The following SDK1 variants were observed in gnomAD, a reference collection of about 807,000 sequenced individuals.
SDK1 encodes protein sidekick-1.
A neutral mutation model predicts 245.5 loss-of-function variants in SDK1; 157 were observed. The observed-to-expected ratio is 0.64, with a 90% CI of 0.56 to 0.73. The LOEUF is 0.73. Among genes scored for constraint, SDK1 ranks in the 30% least tolerant of loss-of-function variants. The pLI is 0.00. For synonymous variants in SDK1, 1,647 were observed against 1,278.5 expected (o/e 1.29, Z -6.15); for missense variants, 3,583 against 3,002.3 (o/e 1.19, Z -4.52).
intron 44 of SDK1, among the ~76,000 whole-genome samples, chr7:4,253,662 G>A (rs543892981): frequency 6.6e-6 from 1 of 152,244 alleles, no homozygotes; most frequent in African/African-American, 2.4e-5. Flanking sequence ...GATTTATCAT[G>A]TTGTTTCCAT....
intron 4 of SDK1, among the ~76,000 whole-genome samples, chr7:3,746,815 A>C (rs1779636594): frequency 6.6e-6 from 1 of 152,148 alleles, no homozygotes; most frequent in Non-Finnish European, 1.5e-5. Context: ...CTCACCCATG[A>C]GGGGTGGAGT....
intron 4 of SDK1, among the ~76,000 whole-genome samples, chr7:3,734,887 G>T (rs575326362): frequency 1.4e-4 from 22 of 152,238 alleles, no homozygotes; most frequent in African/African-American, 5.1e-4. Flanking sequence ...AGTTCAGCAC[G>T]TAGCAAGCAG....
At chr7:3,641,288 G>A (rs1368583257) in intron 3 of SDK1, among the ~76,000 whole-genome samples, 2 of 152,106 alleles carry the variant, frequency 1.3e-5, no homozygotes, top group Non-Finnish European at 2.9e-5. Flanking sequence ...ATTTTCAAAT[G>A]TTACAAATTT....
chr7:3,760,099 G>A (rs1375056760), intron 4 of SDK1, among the ~76,000 whole-genome samples: 2 of 150,184 alleles, frequency 1.3e-5, no homozygotes, highest in South Asian at 4.3e-4. Flanking sequence ...CATTGTGCAT[G>A]TTTGTAAAAA....
rs537618182 is a variant in SDK1 at position 3,792,067 on chromosome 7, G to A, written c.714-29383G>A. 9.2e-5 allele frequency among the ~76,000 whole-genome samples: 14 copies of A among 152,238 alleles called. No individual in the cohort carries two copies. The South Asian group carries it at 2.9e-3, about 32-fold the overall frequency. ...TGCTTGAACCCGGGAGTTCAAGGCT[G>A]CAGTGAGTTATGAGTGCACCACTGC... On this transcript the variant is annotated intron_variant, in intron 4 of 44. Transcript: ENST00000404826.
intron 5 of SDK1, among the ~76,000 whole-genome samples, chr7:3,904,599 G>A (rs1562525681): frequency 6.6e-6 from 1 of 152,156 alleles, no homozygotes; most frequent in Non-Finnish European, 1.5e-5. Flanking sequence ...GAAGGCTGAT[G>A]TGGAGGATGG....
chr7:4,041,189 G>A (rs34426623), intron 17 of SDK1, among the ~76,000 whole-genome samples: 65 of 152,320 alleles, frequency 4.3e-4, no homozygotes, highest in Middle Eastern at 3.4e-3. Flanking sequence ...GGGAAGTGCC[G>A]TGTGGCTCAG....
At chr7:3,893,530 C>T (rs978096435) in intron 5 of SDK1, among the ~76,000 whole-genome samples, 13 of 151,940 alleles carry the variant, frequency 8.6e-5, no homozygotes, top group Non-Finnish European at 1.3e-4. Context: ...TGGGTCATCC[C>T]GTATTTCTTC....
At chr7:3,598,725 G>A (rs1366587338) in intron 1 of SDK1, among the ~76,000 whole-genome samples, 2 of 152,166 alleles carry the variant, frequency 1.3e-5, no homozygotes, top group African/African-American at 4.8e-5. Flanking sequence ...GTGACCTTTT[G>A]GGATCACATT....
At chr7:3,380,907 G>A (rs1242684462) in intron 1 of SDK1, among the ~76,000 whole-genome samples, 4 of 152,142 alleles carry the variant, frequency 2.6e-5, no homozygotes, top group African/African-American at 7.2e-5. Context: ...TGAGAAAGCC[G>A]TCTTTAGCTG....
At chr7:3,581,217 C>T (rs1425628561) in intron 1 of SDK1, among the ~76,000 whole-genome samples, 2 of 151,992 alleles carry the variant, frequency 1.3e-5, no homozygotes, top group East Asian at 1.9e-4. Flanking sequence ...ATGTATCTGA[C>T]AAAGGTATAT....
At chr7:3,534,330 T>C (rs1778807344) in intron 1 of SDK1, among the ~76,000 whole-genome samples, 1 of 152,204 alleles carries the variant, frequency 6.6e-6, no homozygotes, top group Non-Finnish European at 1.5e-5. Flanking sequence ...TTGGCTATTG[T>C]GGATAATGCT....
intron 38 of SDK1, among the ~76,000 whole-genome samples, chr7:4,216,660 A>G (rs763027516): frequency 6.6e-6 from 1 of 152,230 alleles, no homozygotes; most frequent in Non-Finnish European, 1.5e-5. Context: ...AGATAGTTAA[A>G]AAGTAAACAG....
At chr7:3,529,898 T>C (rs1783281807) in intron 1 of SDK1, among the ~76,000 whole-genome samples, 1 of 152,100 alleles carries the variant, frequency 6.6e-6, no homozygotes, top group Non-Finnish European at 1.5e-5. Context: ...AGCCTGAGTC[T>C]GGGTACGAGA....
chr7:3,435,207 G>T (rs1049373172), intron 1 of SDK1, among the ~76,000 whole-genome samples: 26 of 150,574 alleles, frequency 1.7e-4, no homozygotes, highest in Admixed American at 1.7e-3. Context: ...ATGGAAGATA[G>T]TGATTGGGAG....
At chr7:3,911,635 A>G (rs906924636) in intron 5 of SDK1, among the ~76,000 whole-genome samples, 1 of 152,074 alleles carries the variant, frequency 6.6e-6, no homozygotes, top group Non-Finnish European at 1.5e-5. Context: ...TTTTGGGAGG[A>G]CACATTCAAA....
chr7:3,566,908 A>C (rs1779938127), intron 1 of SDK1, among the ~76,000 whole-genome samples: 1 of 152,162 alleles, frequency 6.6e-6, no homozygotes, highest in South Asian at 2.1e-4. Flanking sequence ...GAGTTGGCTG[A>C]GGATGGTAGA....
At chr7:4,025,973 C>G (rs1314862539) in intron 17 of SDK1, among the ~76,000 whole-genome samples, 1 of 152,194 alleles carries the variant, frequency 6.6e-6, no homozygotes, top group Non-Finnish European at 1.5e-5. Flanking sequence ...TTCCTCCTCC[C>G]CCTCCCCTGC....
At chr7:3,348,900 C>A (rs1780580213) in intron 1 of SDK1, among the ~76,000 whole-genome samples, 1 of 152,128 alleles carries the variant, frequency 6.6e-6, no homozygotes, top group East Asian at 1.9e-4. Context: ...TCTTAAGATG[C>A]ACATGTGAAA....
Sources: gnomAD v4.1 joint callset for allele counts (sites outside exome capture counted in the v4.1 genomes callset) on GRCh38, gnomAD v4.1.1 for gene constraint, MANE v1.5 for transcripts, NCBI Gene and HGNC (gene_info 2026-07-23, HGNC 2026-07-21) for gene names.